SNX29: variants seen among roughly 807,000 people sequenced by gnomAD.
SNX29 encodes sorting nexin-29.
Under a neutral mutation model 102.1 loss-of-function variants are expected in SNX29, and 78 were observed. The observed-to-expected ratio is 0.76, with a 90% CI of 0.64 to 0.92. SNX29 has a LOEUF of 0.92. SNX29 is among the 40% of genes least tolerant of loss of function. The pLI is 0.00. For missense variants in SNX29, 1,280 were observed against 1,061.7 expected (o/e 1.21, Z -2.86); for synonymous variants, 580 against 414.5 (o/e 1.40, Z -4.85).
intron 14 of SNX29, among the ~76,000 whole-genome samples, chr16:12,275,698 T>C (rs1375880915): frequency 6.6e-6 from 1 of 151,972 alleles, no homozygotes; most frequent in African/African-American, 2.4e-5. Flanking sequence ...AATTCTTTTT[T>C]TTTTTTTGTG....
chr16:12,437,667 C>T (rs898362953), intron 18 of SNX29, among the ~76,000 whole-genome samples: 6 of 152,202 alleles, frequency 3.9e-5, no homozygotes, highest in Admixed American at 6.5e-5. Flanking sequence ...TCCTTCATAG[C>T]CCCAGGACCC....
chr16:12,112,269 G>A (rs748139481), intron 11 of SNX29, among the ~76,000 whole-genome samples: 3 of 152,154 alleles, frequency 2.0e-5, no homozygotes, highest in Admixed American at 6.5e-5. Flanking sequence ...TTGGAGCTCT[G>A]TTCTGGAAGC....
At chr16:12,135,520 C>A (rs990793914) in intron 13 of SNX29, 1 of 1,318,998 alleles carries the variant, frequency 7.6e-7, no homozygotes, top group East Asian at 4.2e-5. Context: ...AGGATGGTGC[C>A]AGCCAGTTCT....
chr16:12,166,527 A>G (rs1448716538), intron 13 of SNX29, among the ~76,000 whole-genome samples: 2 of 152,216 alleles, frequency 1.3e-5, no homozygotes, highest in Admixed American at 1.3e-4. Context: ...TGTAGTGTGC[A>G]GGGGAGCGTG....
At position 12,013,503 on chromosome 16, in the gene SNX29, ATATATATATATATATATATATAT is replaced by A. The variant is rs2056741599; in HGVS notation, c.122+10461_122+10483del. ...TCTACTGGGGGAAAAAAAAAAAAAT[ATATATATATATATATATATATAT>A]ATATATATATATATATCGAGAGAGG... On this transcript the variant is annotated intron_variant, in intron 3 of 20. Transcript: ENST00000566228. 6.2e-4 allele frequency among the ~76,000 whole-genome samples: 35 copies of A among 56,626 alleles called. 5 individuals carry two copies. Among genetic ancestry groups the A allele is most frequent in the South Asian group, 3.4e-3 (5 of 1,476 alleles). The allele number at this position is 56,626 out of a possible 152,430, so 37.1% of individuals were successfully genotyped here. A position where few individuals can be genotyped will look rare whatever the true frequency, so the allele number is the denominator to read the frequency against.
chr16:12,454,854 T>C lies in SNX29; in HGVS notation c.2038-22865T>C, dbSNP rs530393148. On this transcript the variant is annotated intron_variant, in intron 18 of 20. Transcript: ENST00000566228. ...GCCTCAGCCTCCCAGGTTCAGGCAC[T>C]TCTGCCTCAGCCTCCCGAGTAACTG... Among the ~76,000 whole-genome samples, 228 of 151,732 alleles carry C rather than the reference T, an allele frequency of 1.5e-3. 2 individuals are homozygous for C. Among genetic ancestry groups the C allele is most frequent in the African/African-American group, 5.3e-3 (217 of 41,094 alleles).
chr16:12,540,745 C>A (rs76284831), intron 20 of SNX29, among the ~76,000 whole-genome samples: 12 of 152,122 alleles, frequency 7.9e-5, no homozygotes, highest in Non-Finnish European at 1.5e-4. Context: ...CCTTGGGGCA[C>A]CATTGATCTT....
intron 11 of SNX29, among the ~76,000 whole-genome samples, chr16:12,104,992 C>T (rs558939362): frequency 2.0e-5 from 3 of 152,292 alleles, no homozygotes; most frequent in Admixed American, 1.3e-4. Context: ...CAGATCCACT[C>T]GGGTTTTATT....
At chr16:12,240,418 T>G (rs2078066236) in intron 14 of SNX29, among the ~76,000 whole-genome samples, 1 of 152,166 alleles carries the variant, frequency 6.6e-6, no homozygotes, top group African/African-American at 2.4e-5. Flanking sequence ...TCTACTGTGT[T>G]TCAATTTTTC....
At chr16:12,334,176 GA>G (rs1596957949) in intron 15 of SNX29, among the ~76,000 whole-genome samples, 2 of 152,156 alleles carry the variant, frequency 1.3e-5, no homozygotes, top group African/African-American at 4.8e-5. Flanking sequence ...GCAGCAAAAT[GA>G]CAAATGTTGG....
intron 19 of SNX29, among the ~76,000 whole-genome samples, chr16:12,491,263 C>T (rs1597589044): frequency 6.6e-6 from 1 of 152,290 alleles, no homozygotes; most frequent in Non-Finnish European, 1.5e-5. Flanking sequence ...GTTTGAGACT[C>T]GGTTTCTCTA....
intron 11 of SNX29, among the ~76,000 whole-genome samples, chr16:12,090,671 G>A (rs1455756761): frequency 3.3e-5 from 5 of 152,218 alleles, no homozygotes; most frequent in East Asian, 3.9e-4. Context: ...AAATCCATCC[G>A]TAAGTTCATT....
At chr16:12,531,686 A>C (rs1158583621) in intron 20 of SNX29, among the ~76,000 whole-genome samples, 1 of 152,186 alleles carries the variant, frequency 6.6e-6, no homozygotes, top group East Asian at 1.9e-4. Flanking sequence ...ATCTGGGTGC[A>C]GAGAGGTCAA....
intron 1 of SNX29, among the ~76,000 whole-genome samples, chr16:11,990,185 G>A (rs565938324): frequency 6.6e-6 from 1 of 152,322 alleles, no homozygotes; most frequent in Non-Finnish European, 1.5e-5. Context: ...GGTGTGTTGT[G>A]TTTGTTTCAT....
At chr16:12,319,265 A>G (rs1471405288) in intron 15 of SNX29, among the ~76,000 whole-genome samples, 2 of 152,178 alleles carry the variant, frequency 1.3e-5, no homozygotes, top group Non-Finnish European at 2.9e-5. Context: ...CCACAATCCC[A>G]GCACTGTGGG....
intron 12 of SNX29, among the ~76,000 whole-genome samples, chr16:12,127,715 C>T (rs2054279203): frequency 6.6e-6 from 1 of 152,180 alleles, no homozygotes; most frequent in Non-Finnish European, 1.5e-5. Context: ...AGCCACTGTG[C>T]CTGGCCTCTA....
At chr16:12,319,585 G>T (rs966470735) in intron 15 of SNX29, among the ~76,000 whole-genome samples, 7 of 152,210 alleles carry the variant, frequency 4.6e-5, no homozygotes, top group African/African-American at 1.7e-4. Flanking sequence ...CGGTGAGCCA[G>T]ACTGTTGATC....
At chr16:12,544,158 AAC>A (rs2077476332) in intron 20 of SNX29, among the ~76,000 whole-genome samples, 1 of 152,208 alleles carries the variant, frequency 6.6e-6, no homozygotes, top group Non-Finnish European at 1.5e-5. Context: ...CATTCCTAAG[AAC>A]ACGGGATGGG....
intron 16 of SNX29, among the ~76,000 whole-genome samples, chr16:12,358,080 C>A (rs893848266): frequency 6.6e-6 from 1 of 152,190 alleles, no homozygotes. Flanking sequence ...GTCCATTACA[C>A]AAACGTTTCT....
Sources: gnomAD v4.1 joint callset for allele counts (sites outside exome capture counted in the v4.1 genomes callset) on GRCh38, gnomAD v4.1.1 for gene constraint, MANE v1.5 for transcripts, NCBI Gene and HGNC (gene_info 2026-07-23, HGNC 2026-07-21) for gene names.